IL2RB: variants seen among roughly 807,000 people sequenced by gnomAD.
The protein encoded by IL2RB is interleukin 2 receptor subunit beta, also known as interleukin-2 receptor subunit beta.
A neutral mutation model predicts 44.2 loss-of-function variants in IL2RB; 17 were observed. The ratio of observed to expected loss-of-function variants is 0.38; its 90% CI spans 0.26 to 0.58. The LOEUF (loss-of-function observed/expected upper bound fraction) is 0.58, where lower values mean the gene tolerates loss of function less well. Ranked by LOEUF, IL2RB falls within the 20% of genes least tolerant of loss-of-function variation. The pLI is 0.63. For synonymous variants in IL2RB, 286 were observed against 297.9 expected, an observed-to-expected ratio of 0.96 and a Z score of 0.41; for missense variants, 624 against 685.5, an observed-to-expected ratio of 0.91 and a Z score of 1.00.
intron 1 of IL2RB, among the ~76,000 whole-genome samples, chr22:37,174,672 G>A (rs942174368): frequency 1.3e-5 from 2 of 152,148 alleles, no homozygotes; most frequent in South Asian, 2.1e-4. Flanking sequence ...AGATTTGAAC[G>A]CTGTTCTCCC....
At chr22:37,157,021 C>A (rs1922702501) in intron 1 of IL2RB, among the ~76,000 whole-genome samples, 1 of 152,168 alleles carries the variant, frequency 6.6e-6, no homozygotes, top group African/African-American at 2.4e-5. Flanking sequence ...TCACCAGTGA[C>A]CTGGTTTTGA....
At chr22:37,145,827 G>C (rs183196124) in intron 1 of IL2RB, among the ~76,000 whole-genome samples, 1 of 152,060 alleles carries the variant, frequency 6.6e-6, no homozygotes, top group South Asian at 2.1e-4. Context: ...GCTCCTGAGC[G>C]TTGGGCATTT....
rs571673682 is a variant in IL2RB, at chr22:37,142,317, A to G, written c.282+117T>C. 8.5e-6 allele frequency: 8 copies of G among 940,688 alleles called. No homozygotes were observed. The South Asian group carries it at 1.0e-4, about 12-fold the overall frequency. 58.3% of individuals were successfully genotyped at this position (940,688 alleles called of 1,614,324 possible). A position where few individuals can be genotyped will look rare whatever the true frequency, so the allele number is the denominator to read the frequency against. ...TCAGCGCTGGGCATCCTGCTTAGCCACAGCCCCAGCCATTGGGCCTCAGCT... is the reference window on the plus strand; with the variant it reads ...TCAGCGCTGGGCATCCTGCTTAGCCGCAGCCCCAGCCATTGGGCCTCAGCT... On this transcript the variant is annotated intron_variant, in intron 4 of 9. Transcript: ENST00000216223.
At chr22:37,135,249 C>A in intron 8 of IL2RB, 79 bp downstream of exon 8, 1 of 884,536 alleles carries the variant, frequency 1.1e-6, no homozygotes, top group African/African-American at 1.7e-5. Flanking sequence ...TGCTTGTGTG[C>A]GTGTGTGTGC....
At position 37,128,363 on chromosome 22, in the gene IL2RB, G is replaced by T. The variant is rs766135944; in HGVS notation, c.1389C>A (p.Val463=). ...GGGGCTGGGGGTCCCAGTCTCTGGG[G>T]ACTCTTTCTTGCAAAGAAGGGGGCA... The part of the protein sequence containing the change: ...ERMPPSLQER[V]PRDWDPQPLG... Residue 463 remains valine, a synonymous_variant, in exon 10 of 10, where the codon GTC becomes GTA. Coordinates refer to ENST00000216223, the MANE Select transcript of IL2RB (RefSeq NM_000878.5). This position sits in a 1 kb window ranked among gnomAD's most constrained non-coding sequence, Gnocchi z 4.5. 1.3e-6 allele frequency: 2 copies of T among 1,507,954 alleles called. No homozygotes were observed. Among genetic ancestry groups the T allele is most frequent in the African/African-American group, 2.8e-5 (2 of 71,378 alleles). 93.4% of individuals were successfully genotyped at this position (1,507,954 alleles called of 1,614,324 possible).
In IL2RB at chr22:37,144,093, G is replaced by A. The variant is rs141522549; in HGVS notation, c.80C>T (p.Ala27Val). Residue 27 changes from alanine (A) to valine (V), a missense_variant, in exon 2 of 10, where the codon GCG becomes GTG. Transcript: ENST00000216223. Reference protein sequence around the residue: ...LPLATSWASAAVNGTSQFTCF... With the variant: ...LPLATSWASAVVNGTSQFTCF... ...GATGTCAGGGTCCTCACCATTCACC[G>A]CTGCAGATGCCCAAGAGGTAGCCAG... 48 of 1,552,214 alleles carry A rather than the reference G, an allele frequency of 3.1e-5. No individual in the cohort carries two copies. The African/African-American group carries it at 3.3e-4, about 11-fold the overall frequency.
At position 37,128,414 on chromosome 22, in the gene IL2RB, C is replaced by A; in HGVS notation, c.1338G>T (p.Gly446=). Residue 446 remains glycine, a synonymous_variant, in exon 10 of 10, where the codon GGG becomes GGT. Transcript: ENST00000216223. The surrounding 1 kb of genome is among the most constrained non-coding windows in gnomAD (Gnocchi z 4.5). ...GGPSPPSTAP[G]GSGAGEERMP... ...TCCTCTCTTCACCGGCCCCACTGCC[C>A]CCAGGGGCAGTGCTTGGGGGGCTGG... 1 of 1,521,096 alleles carries A rather than the reference C, an allele frequency of 6.6e-7. No individual in the cohort carries two copies. Among genetic ancestry groups the A allele is most frequent in the Non-Finnish European group, 8.8e-7 (1 of 1,135,400 alleles). 94.2% of individuals were successfully genotyped at this position (1,521,096 alleles called of 1,614,324 possible).
Position 37,128,309 on chromosome 22 carries a change from G to C in IL2RB, c.1443C>G (p.Asp481Glu). Residue 481 changes from aspartate to glutamate, a missense_variant, in exon 10 of 10, where the codon GAC (aspartate) becomes GAG (glutamate). By Grantham distance (45) the Asp-to-Glu change is conservative. Around this residue, in one of 3 missense-constraint regions of IL2RB, gnomAD observed 291 missense variants for 275.5 expected, o/e 1.06. Transcript: ENST00000216223. This position sits in a 1 kb window ranked among gnomAD's most constrained non-coding sequence, Gnocchi z 4.5. ...CAGGGGGTGGCTGAAAATCCACCAG[G>C]TCTGGGACTCCTGGGGTGGGAGGCC... ...PLGPPTPGVP[D>E]LVDFQPPPEL... 4.7e-6 allele frequency: 7 copies of C among 1,503,160 alleles called. No homozygotes were observed. The highest frequency in any genetic ancestry group is 6.2e-6 in the Non-Finnish European group (7 of 1,126,682). The allele number at this position is 1,503,160 out of a possible 1,614,324, so 93.1% of individuals were successfully genotyped here.
rs1019512147 is a variant in IL2RB at position 37,135,421 on chromosome 22, G to A, written c.725C>T (p.Pro242Leu). Residue 242 changes from proline (P) to leucine (L), a missense_variant, in exon 8 of 10, where the codon CCG (proline) becomes CTG (leucine). Pro to Leu is a moderately conservative substitution (Grantham distance 98). Coordinates refer to ENST00000216223, the MANE Select transcript of IL2RB (RefSeq NM_000878.5). ...KPAALGKDTI[P>L]WLGHLLVGLS... ...GCCCACGAGGAGGTGGCCGAGCCAC[G>A]GAATGGTGTCCTTCCCAAGGGCTGC... The A allele has an allele frequency of 2.4e-5, 39 of 1,613,270 alleles. No individual in the cohort carries two copies. The highest frequency in any genetic ancestry group is 2.9e-5 in the Non-Finnish European group (34 of 1,179,432).
At chr22:37,164,118 G>C (rs2145738797) in intron 1 of IL2RB, among the ~76,000 whole-genome samples, 1 of 152,344 alleles carries the variant, frequency 6.6e-6, no homozygotes, top group Middle Eastern at 3.4e-3. Flanking sequence ...CTGCAGAGCA[G>C]AGCGGAAAGC....
intron 1 of IL2RB, among the ~76,000 whole-genome samples, chr22:37,167,466 G>C (rs544979663): frequency 1.3e-5 from 2 of 152,308 alleles, no homozygotes; most frequent in Middle Eastern, 3.4e-3. Flanking sequence ...CAGTATCCAG[G>C]CCTCCTCGCC....
At chr22:37,164,630 T>C (rs1253392798) in intron 1 of IL2RB, among the ~76,000 whole-genome samples, 1 of 151,950 alleles carries the variant, frequency 6.6e-6, no homozygotes, top group Non-Finnish European at 1.5e-5. Context: ...CTCTCTCGCT[T>C]GAAATCACCT....
chr22:37,172,367 C>G (rs1265135887), intron 1 of IL2RB, among the ~76,000 whole-genome samples: 1 of 152,216 alleles, frequency 6.6e-6, no homozygotes, highest in Non-Finnish European at 1.5e-5. Flanking sequence ...GCACTCGGCT[C>G]CATCAGCTCC....
rs201428524 is a variant in IL2RB at position 37,128,325 on chromosome 22, G to A, written c.1427C>T (p.Thr476Ile). 3.5e-4 allele frequency: 532 copies of A among 1,504,318 alleles called. 4 individuals carry two copies. The East Asian group carries it at 0.012, about 34-fold the overall frequency. The allele number at this position is 1,504,318 out of a possible 1,614,324, so 93.2% of individuals were successfully genotyped here. Residue 476 changes from threonine (T) to isoleucine (I), a missense_variant, in exon 10 of 10, where the codon ACC becomes ATC. Coordinates refer to ENST00000216223, the MANE Select transcript of IL2RB (RefSeq NM_000878.5). This position sits in a 1 kb window ranked among gnomAD's most constrained non-coding sequence, Gnocchi z 4.5. ...DWDPQPLGPPTPGVPDLVDFQ... is the reference protein window; with the variant it reads ...DWDPQPLGPPIPGVPDLVDFQ... ...ATCCACCAGGTCTGGGACTCCTGGG[G>A]TGGGAGGCCCCAGGGGCTGGGGGTC...
At chr22:37,158,482 C>T (rs1036867470) in intron 1 of IL2RB, among the ~76,000 whole-genome samples, 19 of 152,014 alleles carry the variant, frequency 1.2e-4, no homozygotes, top group Non-Finnish European at 2.6e-4. Context: ...CACTTGAACC[C>T]GGGAGGCAGA....
intron 5 of IL2RB, among the ~76,000 whole-genome samples, chr22:37,138,423 CT>C (rs1398875970): frequency 6.6e-6 from 1 of 152,218 alleles, no homozygotes; most frequent in Non-Finnish European, 1.5e-5. Flanking sequence ...TTTCGATGGT[CT>C]GCCAGTCAGA....
At chr22:37,168,123 G>GGTC (rs1923142891) in intron 1 of IL2RB, among the ~76,000 whole-genome samples, 1 of 152,232 alleles carries the variant, frequency 6.6e-6, no homozygotes, top group Non-Finnish European at 1.5e-5. Flanking sequence ...TGTCAATGTG[G>GGTC]TGACCCTTGG....
At chr22:37,139,376 G>A (rs891276250) in intron 4 of IL2RB, among the ~76,000 whole-genome samples, 154 bp from the exon 5 acceptor site, 3 of 152,200 alleles carry the variant, frequency 2.0e-5, no homozygotes, top group African/African-American at 4.8e-5. Flanking sequence ...AGGCCACATA[G>A]TAACTATTTT....
In IL2RB at chr22:37,137,596, G is replaced by A. The variant is rs2146237178; in HGVS notation, c.528C>T (p.His176=). 6.2e-7 allele frequency: 1 copy of A among 1,614,114 alleles called. No homozygotes were observed. Among genetic ancestry groups the A allele is most frequent in the Non-Finnish European group, 8.5e-7 (1 of 1,179,938 alleles). Reference sequence around the variant, plus strand: ...TGGGCCACATTCTCACCTCCCAGGTGTGGCCTGGGGACAGCGTCCGGGCCT... The same window carrying A: ...TGGGCCACATTCTCACCTCCCAGGTATGGCCTGGGGACAGCGTCCGGGCCT... The part of the protein sequence containing the change: ...EFEARTLSPG[H]TWEEAPLLTL... The change falls in exon 6 of 10, where the codon CAC becomes CAT. Residue 176 remains histidine (H), a synonymous_variant. Coordinates refer to ENST00000216223, the MANE Select transcript of IL2RB (RefSeq NM_000878.5).
Sources: allele counts gnomAD v4.1 joint callset (sites outside exome capture counted in the v4.1 genomes callset), GRCh38; gene constraint gnomAD v4.1.1; regional missense constraint gnomAD v4.1.1; non-coding constraint Gnocchi (gnomAD v3.1); transcripts MANE v1.5; gene names NCBI Gene and HGNC (gene_info 2026-07-23, HGNC 2026-07-21).